The following MSR1 variants were observed in gnomAD, a reference collection of about 807,000 sequenced individuals.
MSR1 encodes the protein macrophage scavenger receptor types I and II.
MSR1 carries 53 observed loss-of-function variants against 47.2 expected under a neutral mutation model. That is an observed-to-expected ratio of 1.12 (90% CI 0.90 to 1.41). The LOEUF is 1.41. MSR1 is among the 40% of genes most tolerant of loss of function. The pLI, the probability that MSR1 is intolerant of heterozygous loss-of-function variation, is 0.00. For missense variants in MSR1, 786 were observed against 546.9 expected (o/e 1.44, Z -4.36); for synonymous variants, 239 against 185.6 (o/e 1.29, Z -2.34).
chr8:16,175,490 T>G (rs765572599), intron 2 of MSR1, among the ~76,000 whole-genome samples, 190 bp from the exon 3 acceptor site: 5 of 152,196 alleles, frequency 3.3e-5, no homozygotes, highest in African/African-American at 7.2e-5. Flanking sequence ...GGTATCATTA[T>G]AGGCACTTGA....
intron 8 of MSR1, among the ~76,000 whole-genome samples, chr8:16,124,187 T>C (rs1020847054): frequency 6.6e-6 from 1 of 152,068 alleles, no homozygotes; most frequent in African/African-American, 2.4e-5. Flanking sequence ...ACAGGCCGAG[T>C]CACTTGCATG....
chr8:16,120,789 G>T, intron 8 of MSR1, 183 bp from the exon 9 acceptor site: 1 of 754,182 alleles, frequency 1.3e-6, no homozygotes, highest in Non-Finnish European at 2.1e-6. Context: ...GAGTTTAACT[G>T]CAAATATTGC....
At chr8:16,122,084 T>C (rs1800018498) in intron 8 of MSR1, among the ~76,000 whole-genome samples, 1 of 152,106 alleles carries the variant, frequency 6.6e-6, no homozygotes, top group Admixed American at 6.5e-5. Context: ...ATAATTATTC[T>C]CTTGATTCTT....
At position 16,120,616 on chromosome 8, in the gene MSR1, T is replaced by TAA. The variant is rs60866666; in HGVS notation, c.1034-12_1034-11dup. 5.5e-3 allele frequency: 6,582 copies of TAA among 1,189,624 alleles called. 39 individuals carry two copies. Among genetic ancestry groups the TAA allele is most frequent in the African/African-American group, 0.041 (1,569 of 38,252 alleles). 73.7% of individuals were successfully genotyped at this position (1,189,624 alleles called of 1,614,324 possible). A position where few individuals can be genotyped will look rare whatever the true frequency, so the allele number is the denominator to read the frequency against. ...ACTTTCGTAAATGGAGCTGTAAAGT[T>TAA]AAAAAAAAAAAAAAAAAAAAAAAAA... On this transcript the variant is annotated splice_polypyrimidine_tract_variant and intron_variant, in intron 8 of 9. Coordinates refer to ENST00000262101, the MANE Select transcript of MSR1 (RefSeq NM_138715.3).
intron 8 of MSR1, among the ~76,000 whole-genome samples, chr8:16,124,747 A>G (rs1800090885): frequency 6.6e-6 from 1 of 152,160 alleles, no homozygotes; most frequent in Admixed American, 6.5e-5. Flanking sequence ...AACCCGTTAT[A>G]GTCATCTTTT....
intron 3 of MSR1, among the ~76,000 whole-genome samples, chr8:16,171,117 G>A (rs187246357): frequency 2.0e-5 from 3 of 151,694 alleles, no homozygotes; most frequent in Non-Finnish European, 2.9e-5. Flanking sequence ...CCAGCTGCTC[G>A]GGAGGCTGAG....
chr8:16,186,377 T>A, intron 1 of MSR1: 1 of 590,028 alleles, frequency 1.7e-6, no homozygotes, highest in Non-Finnish European at 2.9e-6. Context: ...TGATGACTCT[T>A]AAGTCTTTAT....
chr8:16,131,033 T>A (rs1193089999), intron 8 of MSR1, among the ~76,000 whole-genome samples: 1 of 152,114 alleles, frequency 6.6e-6, no homozygotes, highest in East Asian at 1.9e-4. Context: ...AATTCTGTTT[T>A]AAGTTCTTTG....
chr8:16,178,478 C>T lies in MSR1; in HGVS notation c.-4-486G>A, dbSNP rs1170957036. Among the ~76,000 whole-genome samples, 5 of 152,246 alleles carry T rather than the reference C, an allele frequency of 3.3e-5. No individual in the cohort carries two copies. The East Asian group carries it at 9.7e-4, about 29-fold the overall frequency. On this transcript the variant is annotated intron_variant, in intron 1 of 9. Transcript: ENST00000262101. ...CATAGTACTCCACGGTGTACATGTG[C>T]CACATTTTCTTAATCCAGGCTATCG... is the stretch of plus-strand genomic sequence containing the variant.
chr8:16,171,468 C>T (rs1437607303), intron 3 of MSR1, among the ~76,000 whole-genome samples: 3 of 152,012 alleles, frequency 2.0e-5, no homozygotes, highest in Non-Finnish European at 4.4e-5. Flanking sequence ...CATGTCTTAA[C>T]GTATCAATAC....
intron 3 of MSR1, among the ~76,000 whole-genome samples, chr8:16,170,037 G>A (rs1007179031): frequency 1.3e-5 from 2 of 152,042 alleles, no homozygotes; most frequent in East Asian, 3.9e-4. Flanking sequence ...AAAAATAAAA[G>A]GCTTAAACAT....
intron 8 of MSR1, among the ~76,000 whole-genome samples, chr8:16,122,896 G>C (rs969287859): frequency 2.3e-5 from 3 of 131,656 alleles, no homozygotes; most frequent in Non-Finnish European, 4.8e-5. Context: ...CCAGGCTGGA[G>C]TGTAGTGGCG....
chr8:16,155,253 G>A, intron 5 of MSR1, 109 bp from the exon 6 acceptor site: 1 of 771,984 alleles, frequency 1.3e-6, no homozygotes, highest in African/African-American at 1.7e-5. Flanking sequence ...TATTTGTTGT[G>A]CAATAATATA....
At chr8:16,186,255 A>C (rs1448030524) in intron 1 of MSR1, 1 of 1,476,158 alleles carries the variant, frequency 6.8e-7, no homozygotes, top group Non-Finnish European at 9.1e-7. Flanking sequence ...CATCTCCCCA[A>C]CGTCTCAACA....
At chr8:16,150,136 G>C (rs1307911828) in intron 7 of MSR1, 95 bp downstream of exon 7, 2 of 190,336 alleles carry the variant, frequency 1.1e-5, no homozygotes, top group Non-Finnish European at 1.8e-5. Context: ...GTATGTGTGT[G>C]TGTGTATATA....
In MSR1 at chr8:16,108,337, T is replaced by C. The variant is rs1799681646; in HGVS notation, c.*1748A>G. The C allele has an allele frequency of 6.6e-6, 1 of 151,308 alleles. No individual in the cohort carries two copies. 9.4% of individuals were successfully genotyped at this position (151,308 alleles called of 1,614,324 possible). On this transcript the variant is annotated 3_prime_UTR_variant, in exon 10 of 10. Coordinates refer to ENST00000262101, the MANE Select transcript of MSR1 (RefSeq NM_138715.3). ...AGTTAATACTAACAGTTAACACTAATAGTTAATACTATTGACAACCCATAG... is the reference window on the plus strand; with the variant it reads ...AGTTAATACTAACAGTTAACACTAACAGTTAATACTATTGACAACCCATAG...
chr8:16,154,664 T>G (rs1237899649), intron 6 of MSR1, among the ~76,000 whole-genome samples: 1 of 152,022 alleles, frequency 6.6e-6, no homozygotes, highest in Non-Finnish European at 1.5e-5. Flanking sequence ...AGCTTGCAAA[T>G]GTGAAGATGA....
At chr8:16,110,992 G>C (rs953288258) in intron 9 of MSR1, among the ~76,000 whole-genome samples, 1 of 151,984 alleles carries the variant, frequency 6.6e-6, no homozygotes, top group Non-Finnish European at 1.5e-5. Context: ...AGAAGGAAAA[G>C]AAAAAAGGAA....
At chr8:16,112,417 T>G (rs1386589902) in intron 9 of MSR1, among the ~76,000 whole-genome samples, 1 of 152,124 alleles carries the variant, frequency 6.6e-6, no homozygotes, top group Non-Finnish European at 1.5e-5. Context: ...TGATGACACT[T>G]AAAGCTTAGT....
Sources: allele counts gnomAD v4.1 joint callset (sites outside exome capture counted in the v4.1 genomes callset), GRCh38; gene constraint gnomAD v4.1.1; transcripts MANE v1.5; gene names NCBI Gene and HGNC (gene_info 2026-07-23, HGNC 2026-07-21).